Variants in EPHA2 observed in about 807,000 individuals in gnomAD.
The protein encoded by EPHA2 is ephrin type-A receptor 2.
In EPHA2, 54 loss-of-function variants were observed where a neutral mutation model predicts 104.9. That is an observed-to-expected ratio of 0.51 (90% CI 0.41 to 0.65). EPHA2 has a LOEUF of 0.65. EPHA2 is among the 30% of genes least tolerant of loss of function. EPHA2 has a pLI of 0.00. For missense variants in EPHA2, 1,117 were observed against 1,369.5 expected (o/e 0.82, Z 2.91); for synonymous variants, 560 against 559.1 (o/e 1.00, Z -0.02).
chr1:16,146,754 G>A (rs902108542), intron 3 of EPHA2, among the ~76,000 whole-genome samples: 1 of 152,210 alleles, frequency 6.6e-6, no homozygotes, highest in African/African-American at 2.4e-5. Flanking sequence ...AAGGTTCTGA[G>A]GACTTGCTTT....
At chr1:16,140,150 C>T (rs1027317122) in intron 3 of EPHA2, among the ~76,000 whole-genome samples, 4 of 152,172 alleles carry the variant, frequency 2.6e-5, no homozygotes, top group African/African-American at 9.7e-5. Context: ...AGATAGTGAC[C>T]TCCTGCTGAT....
chr1:16,135,239 G>T lies in EPHA2; in HGVS notation c.1429-50C>A. On this transcript the variant is annotated intron_variant, in intron 6 of 16. Transcript: ENST00000358432. The surrounding 1 kb of genome is among the most constrained non-coding windows in gnomAD (Gnocchi z 4.3). ...AGCAGGCAGTGAGGGCAGGGCAGGG[G>T]CCTCGGCTCAGCCCGCTGGAGACCA... 3 of 1,610,290 alleles carry T rather than the reference G, an allele frequency of 1.9e-6. No homozygotes were observed. The highest frequency in any genetic ancestry group is 2.2e-5 in the East Asian group (1 of 44,854).
intron 3 of EPHA2, among the ~76,000 whole-genome samples, chr1:16,142,984 A>AATGGATGGATGGATGGATGG (rs549081543): frequency 5.4e-5 from 4 of 74,016 alleles, no homozygotes; most frequent in African/African-American, 2.3e-4. Context: ...TGGAGGGATG[A>AATGGATGGATGGATGGATGG]ATGGATGGAT....
chr1:16,152,678 C>A (rs980872157), intron 1 of EPHA2, among the ~76,000 whole-genome samples: 1 of 152,110 alleles, frequency 6.6e-6, no homozygotes, highest in South Asian at 2.1e-4. Flanking sequence ...AGTCCTGCAG[C>A]CCCCCCTTAG....
chr1:16,130,079 G>A lies in EPHA2; in HGVS notation c.2669+147C>T. ...CTATTAGGATTTCCTGGGCCATCGTGTCCAGTCTAAGTCAAGTCCACACAT... is the reference window on the plus strand; with the variant it reads ...CTATTAGGATTTCCTGGGCCATCGTATCCAGTCTAAGTCAAGTCCACACAT... On this transcript the variant is annotated intron_variant, in intron 15 of 16. Coordinates refer to ENST00000358432, the MANE Select transcript of EPHA2 (RefSeq NM_004431.5). This position sits in a 1 kb window ranked among gnomAD's most constrained non-coding sequence, Gnocchi z 4.5. 1 of 1,080,314 alleles carries A rather than the reference G, an allele frequency of 9.3e-7. No individual in the cohort carries two copies. The highest frequency in any genetic ancestry group is 1.4e-6 in the Non-Finnish European group (1 of 738,284). 66.9% of individuals were successfully genotyped at this position (1,080,314 alleles called of 1,614,324 possible). A position where few individuals can be genotyped will look rare whatever the true frequency, so the allele number is the denominator to read the frequency against.
chr1:16,133,947 G>A, intron 8 of EPHA2, 32 bp from the exon 9 acceptor site: 1 of 1,549,922 alleles, frequency 6.5e-7, no homozygotes, highest in Non-Finnish European at 8.7e-7. Context: ...CCAAATGCAG[G>A]GAGGTCAGTG....
At chr1:16,140,520 A>C (rs1251001164) in intron 3 of EPHA2, among the ~76,000 whole-genome samples, 1 of 152,248 alleles carries the variant, frequency 6.6e-6, no homozygotes, top group Admixed American at 6.5e-5. Context: ...GAGACAAAAA[A>C]GCTTGTCCAA....
intron 5 of EPHA2, among the ~76,000 whole-genome samples, 183 bp downstream of exon 5, chr1:16,137,670 G>A (rs937682064): frequency 2.6e-5 from 4 of 152,252 alleles, no homozygotes; most frequent in East Asian, 1.9e-4. Context: ...GTGTTGGGCC[G>A]CATTCAATGT....
At position 16,131,486 on chromosome 1, in the gene EPHA2, A is replaced by T. The variant is rs2024567977; in HGVS notation, c.2475+235T>A. On this transcript the variant is annotated intron_variant, in intron 14 of 16. Coordinates refer to ENST00000358432, the MANE Select transcript of EPHA2 (RefSeq NM_004431.5). The surrounding 1 kb of genome is among the most constrained non-coding windows in gnomAD (Gnocchi z 5.2). The stretch of plus-strand genomic sequence containing the variant: ...TCCCAGCTACTCGGGAGGCTGAGGC[A>T]GGAGAATTGCTTGAACCTGGGAGGT... Among the ~76,000 whole-genome samples the T allele has an allele frequency of 6.6e-6, 1 of 152,150 alleles. No individual in the cohort carries two copies. Among genetic ancestry groups the T allele is most frequent in the African/African-American group, 2.4e-5 (1 of 41,418 alleles).
Position 16,135,267 on chromosome 1 carries a change from C to T in EPHA2, c.1429-78G>A. 1.3e-6 allele frequency: 2 copies of T among 1,588,478 alleles called. No homozygotes were observed. ...TCGGCTCAGCCCGCTGGAGACCACC[C>T]CAAGCTAGCAAGGTGGCTTGCCTTT... On this transcript the variant is annotated intron_variant, in intron 6 of 16. Transcript: ENST00000358432. This position sits in a 1 kb window ranked among gnomAD's most constrained non-coding sequence, Gnocchi z 4.3.
Position 16,134,037 on chromosome 1 carries a change from C to T in EPHA2, c.1683-122G>A, listed in dbSNP as rs567188683. On this transcript the variant is annotated intron_variant, in intron 8 of 16. Coordinates refer to ENST00000358432, the MANE Select transcript of EPHA2 (RefSeq NM_004431.5). This position sits in a 1 kb window ranked among gnomAD's most constrained non-coding sequence, Gnocchi z 4.5. Reference sequence around the variant, plus strand: ...TGGGGTGCTCAGAATGCGGCCCAGTCCCCGCTTTTGCTGCCCAAGCTCCAC... The same window carrying T: ...TGGGGTGCTCAGAATGCGGCCCAGTTCCCGCTTTTGCTGCCCAAGCTCCAC... The T allele has an allele frequency of 5.3e-5, 53 of 998,766 alleles. No individual in the cohort carries two copies. The East Asian group carries it at 1.3e-3, about 24-fold the overall frequency. 61.9% of individuals were successfully genotyped at this position (998,766 alleles called of 1,614,324 possible).
intron 3 of EPHA2, among the ~76,000 whole-genome samples, chr1:16,145,532 C>A (rs550848600): frequency 6.6e-6 from 1 of 152,284 alleles, no homozygotes; most frequent in Non-Finnish European, 1.5e-5. Context: ...TGGTTTGTCA[C>A]CAGCAGGAGC....
Position 16,148,736 on chromosome 1 carries a change from G to T in EPHA2, c.465C>A (p.Asp155Glu). 4 of 1,613,944 alleles carry T rather than the reference G, an allele frequency of 2.5e-6. No individual in the cohort carries two copies. The highest frequency in any genetic ancestry group is 3.4e-6 in the Non-Finnish European group (4 of 1,180,042). ...IAPDEITVSS[D>E]FEARHVKLNV... is the part of the protein sequence containing the mutation. ...TCAGCTTCACGTGGCGTGCCTCGAA[G>T]TCGCTGCTGACGGTGATCTCATCGG... The change falls in exon 3 of 17, where the codon GAC (aspartate) becomes GAA (glutamate). Residue 155 changes from aspartate to glutamate, a missense_variant. By Grantham distance (45) the Asp-to-Glu change is conservative. Transcript: ENST00000358432. The surrounding 1 kb of genome is among the most constrained non-coding windows in gnomAD (Gnocchi z 4.9).
Position 16,134,016 on chromosome 1 carries a change from G to A in EPHA2, c.1683-101C>T, listed in dbSNP as rs1204901583. 1.6e-6 allele frequency: 2 copies of A among 1,248,044 alleles called. No individual in the cohort carries two copies. Among genetic ancestry groups the A allele is most frequent in the Non-Finnish European group, 2.2e-6 (2 of 903,452 alleles). The allele number at this position is 1,248,044 out of a possible 1,614,324, so 77.3% of individuals were successfully genotyped here. ...TACTTTGGTCCTAGGAGGACCTGGGGTGCTCAGAATGCGGCCCAGTCCCCG... is the reference window on the plus strand; with the variant it reads ...TACTTTGGTCCTAGGAGGACCTGGGATGCTCAGAATGCGGCCCAGTCCCCG... On this transcript the variant is annotated intron_variant, in intron 8 of 16. Coordinates refer to ENST00000358432, the MANE Select transcript of EPHA2 (RefSeq NM_004431.5). This position sits in a 1 kb window ranked among gnomAD's most constrained non-coding sequence, Gnocchi z 4.5.
rs1334649271 is a variant in EPHA2, at chr1:16,131,658, T to C, written c.2475+63A>G. ...CTGTCCTCTGCCCAGCCCCTGCAGT[T>C]TGAGATGAGTAAAGGGCTTGAGTTC... On this transcript the variant is annotated intron_variant, in intron 14 of 16. Transcript: ENST00000358432. The surrounding 1 kb of genome is among the most constrained non-coding windows in gnomAD (Gnocchi z 5.2). 2.5e-6 allele frequency: 4 copies of C among 1,605,932 alleles called. No homozygotes were observed. In the East Asian group the frequency reaches 9.0e-5, roughly 36 times the overall value.
chr1:16,155,527 G>C (rs932388615), intron 1 of EPHA2: 34 of 343,368 alleles, frequency 9.9e-5, no homozygotes, highest in Non-Finnish European at 1.5e-4. Context: ...CCCTTCTCTA[G>C]GGGACTCCCC....
At chr1:16,144,211 G>A (rs564824829) in intron 3 of EPHA2, among the ~76,000 whole-genome samples, 21 of 152,228 alleles carry the variant, frequency 1.4e-4, no homozygotes, top group Non-Finnish European at 2.9e-4. Context: ...TGCCCCCAGT[G>A]TGAGCTGAGG....
chr1:16,130,054 C>A lies in EPHA2; in HGVS notation c.2669+172G>T, dbSNP rs1337265825. On this transcript the variant is annotated intron_variant, in intron 15 of 16. Coordinates refer to ENST00000358432, the MANE Select transcript of EPHA2 (RefSeq NM_004431.5). The surrounding 1 kb of genome is among the most constrained non-coding windows in gnomAD (Gnocchi z 4.5). ...ACACAGACACATAAGCTGGTTGCTT[C>A]TATTAGGATTTCCTGGGCCATCGTG... is the stretch of plus-strand genomic sequence containing the variant. Among the ~76,000 whole-genome samples, 1 of 152,200 alleles carries A rather than the reference C, an allele frequency of 6.6e-6. No individual in the cohort carries two copies. Among genetic ancestry groups the A allele is most frequent in the Non-Finnish European group, 1.5e-5 (1 of 68,042 alleles).
chr1:16,140,038 C>T (rs531314223), intron 3 of EPHA2, among the ~76,000 whole-genome samples: 4 of 152,290 alleles, frequency 2.6e-5, no homozygotes, highest in East Asian at 1.9e-4. Flanking sequence ...GAATCTGGAG[C>T]GAAGACTCTC....
Sources: gnomAD v4.1 joint callset for allele counts (sites outside exome capture counted in the v4.1 genomes callset) on GRCh38, gnomAD v4.1.1 for gene constraint, Gnocchi (gnomAD v3.1) non-coding constraint, MANE v1.5 for transcripts, NCBI Gene and HGNC (gene_info 2026-07-23, HGNC 2026-07-21) for gene names.